Variants in PNPLA8 observed in about 807,000 individuals in gnomAD.
PNPLA8 encodes calcium-independent phospholipase A2-gamma.
PNPLA8 carries 39 observed loss-of-function variants against 76.9 expected under a neutral mutation model. That is an observed-to-expected ratio of 0.51 (90% CI 0.39 to 0.66). The LOEUF (loss-of-function observed/expected upper bound fraction) is 0.66. Ranked by LOEUF, PNPLA8 falls within the 30% of genes least tolerant of loss-of-function variation. PNPLA8 has a pLI of 0.00. For synonymous variants in PNPLA8, 301 were observed against 307.9 expected, an observed-to-expected ratio of 0.98 and a Z score of 0.24; for missense variants, 887 against 918.0, an observed-to-expected ratio of 0.97 and a Z score of 0.44.
intron 7 of PNPLA8, among the ~76,000 whole-genome samples, chr7:108,492,035 T>C (rs1014141874): frequency 6.6e-6 from 1 of 152,228 alleles, no homozygotes; most frequent in African/African-American, 2.4e-5. Flanking sequence ...ACAGAAATTG[T>C]CCTTGGGCAG....
At position 108,497,545 on chromosome 7, in the gene PNPLA8, A is replaced by G. The variant is rs927423801; in HGVS notation, c.1391T>C (p.Leu464Ser). 1.2e-6 allele frequency: 2 copies of G among 1,612,168 alleles called. No homozygotes were observed. The highest frequency in any genetic ancestry group is 1.7e-6 in the Non-Finnish European group (2 of 1,178,916). Residue 464 changes from leucine (L) to serine (S), a missense_variant, in exon 6 of 11, where the codon TTA (leucine) becomes TCA (serine). By Grantham distance (145) the Leu-to-Ser change is moderately radical (BLOSUM62 -2). Transcript: ENST00000257694. ...GVVALQTLRKLVELTQKPVHQ... is the reference protein window; with the variant it reads ...GVVALQTLRKSVELTQKPVHQ... ...AACTGGCTTCTGAGTAAGTTCAACT[A>G]ATTTTCGTAGGGTCTGGAGAGCAAC...
At position 108,526,079 on chromosome 7, in the gene PNPLA8, C is replaced by T. The variant is rs747052300; in HGVS notation, c.-180G>A. 1 of 985,694 alleles carries T rather than the reference C, an allele frequency of 1.0e-6. No homozygotes were observed. The highest frequency in any genetic ancestry group is 6.1e-5 in the Admixed American group (1 of 16,296). 61.1% of individuals were successfully genotyped at this position (985,694 alleles called of 1,614,324 possible). On this transcript the variant is annotated 5_prime_UTR_variant, in exon 1 of 11. Transcript: ENST00000257694. ...GCTGCAGCGGCGACTCGCTCGTTCC[C>T]GGCAATGACGTCCACTCCAACCGGC...
At position 108,470,912 on chromosome 7, in the gene PNPLA8, G is replaced by C. The variant is rs17134769; in HGVS notation, c.*1489C>G. ...AGGCAGGATTAGCATCCAGACTCTC[G>C]ACTCCACTCTTTGAACCACATCTCA... On this transcript the variant is annotated 3_prime_UTR_variant, in exon 11 of 11. Coordinates refer to ENST00000257694, the MANE Select transcript of PNPLA8 (RefSeq NM_001256007.3). 1 of 151,942 alleles carries C rather than the reference G, an allele frequency of 6.6e-6. No individual in the cohort carries two copies. Among genetic ancestry groups the C allele is most frequent in the Non-Finnish European group, 1.5e-5 (1 of 68,004 alleles). The allele number at this position is 151,942 out of a possible 1,614,324, so 9.4% of individuals were successfully genotyped here.
intron 9 of PNPLA8, among the ~76,000 whole-genome samples, chr7:108,479,905 T>C (rs1007926468): frequency 1.3e-5 from 2 of 152,188 alleles, no homozygotes; most frequent in African/African-American, 2.4e-5. Context: ...ATCAATATTA[T>C]TTTGAAGACT....
Position 108,514,642 on chromosome 7 carries a change from T to C in PNPLA8, c.850A>G (p.Lys284Glu), listed in dbSNP as rs747170465. Residue 284 changes from lysine to glutamate, a missense_variant, in exon 3 of 11, where the codon AAA becomes GAA. Coordinates refer to ENST00000257694, the MANE Select transcript of PNPLA8 (RefSeq NM_001256007.3). ...GAAAGAAAGTTAGCAATACTTTGTT[T>C]AGTTGAAACTTGAAGAACATCAGGT... is the stretch of plus-strand genomic sequence containing the variant. ...AIPDVLQVST[K>E]QSIANFLSRP... 1 of 1,613,990 alleles carries C rather than the reference T, an allele frequency of 6.2e-7. No individual in the cohort carries two copies. The highest frequency in any genetic ancestry group is 8.5e-7 in the Non-Finnish European group (1 of 1,179,868).
Position 108,487,902 on chromosome 7 carries a change from C to A in PNPLA8, c.1735G>T (p.Val579Leu), listed in dbSNP as rs761779041. ...GGAAAATGACCATAGTTTCTGAACA[C>A]AAAAGCTTTGGGTGTTATCCCTCTA... Reference protein sequence around the residue: ...VNRGITPKAFVFRNYGHFPGI... With the variant: ...VNRGITPKAFLFRNYGHFPGI... The change falls in exon 9 of 11, where the codon GTG becomes TTG. Residue 579 changes from valine (V) to leucine (L), a missense_variant. Val to Leu is a conservative substitution (Grantham distance 32, BLOSUM62 1). Coordinates refer to ENST00000257694, the MANE Select transcript of PNPLA8 (RefSeq NM_001256007.3). 6.2e-7 allele frequency: 1 copy of A among 1,613,354 alleles called. No homozygotes were observed. The highest frequency in any genetic ancestry group is 8.5e-7 in the Non-Finnish European group (1 of 1,179,570).
intron 2 of PNPLA8, among the ~76,000 whole-genome samples, chr7:108,516,512 G>A (rs1033020724): frequency 1.3e-5 from 2 of 152,144 alleles, no homozygotes; most frequent in Admixed American, 6.5e-5. Flanking sequence ...TAACATAGGA[G>A]AAAACTTAGA....
intron 10 of PNPLA8, among the ~76,000 whole-genome samples, chr7:108,478,403 T>G (rs1225832181): frequency 6.6e-6 from 1 of 152,132 alleles, no homozygotes; most frequent in Non-Finnish European, 1.5e-5. Flanking sequence ...TTTTTGGTTT[T>G]TTTTTGAGAT....
chr7:108,489,949 C>T (rs773589488), intron 8 of PNPLA8, among the ~76,000 whole-genome samples: 8 of 152,128 alleles, frequency 5.3e-5, no homozygotes, highest in Non-Finnish European at 1.2e-4. Flanking sequence ...AATGGGGATT[C>T]AATTTTTATA....
chr7:108,474,518 G>C (rs1563926965), intron 10 of PNPLA8, among the ~76,000 whole-genome samples: 1 of 152,196 alleles, frequency 6.6e-6, no homozygotes, highest in Non-Finnish European at 1.5e-5. Flanking sequence ...AGTGAGTTTA[G>C]CAAGTTTGAA....
intron 7 of PNPLA8, among the ~76,000 whole-genome samples, chr7:108,492,705 TAAATA>T (rs1195297598): frequency 2.0e-5 from 3 of 151,398 alleles, no homozygotes; most frequent in South Asian, 4.2e-4. Flanking sequence ...AATAAATAAA[TAAATA>T]AAAGTCCTCT....
chr7:108,519,754 C>T (rs754638206), intron 2 of PNPLA8, among the ~76,000 whole-genome samples: 1 of 152,054 alleles, frequency 6.6e-6, no homozygotes, highest in African/African-American at 2.4e-5. Flanking sequence ...GACTTTTTCC[C>T]TATCTACAAA....
chr7:108,514,836 T>C lies in PNPLA8; in HGVS notation c.656A>G (p.Glu219Gly), dbSNP rs1467604749. Residue 219 changes from glutamate (E) to glycine (G), a missense_variant, in exon 3 of 11, where the codon GAA becomes GGA. Glu to Gly is a moderately conservative substitution (Grantham distance 98). Transcript: ENST00000257694. ...NHINSYFKRK[E>G]KMSQQKENEH... is the part of the protein sequence containing the mutation. ...ATTTTCCTTTTGTTGAGACATTTTT[T>C]CCTTACGTTTGAAATATGAATTAAT... 1.9e-6 allele frequency: 3 copies of C among 1,612,826 alleles called. No homozygotes were observed. Among genetic ancestry groups the C allele is most frequent in the Non-Finnish European group, 2.5e-6 (3 of 1,179,098 alleles).
chr7:108,493,707 C>T (rs1035902928), intron 7 of PNPLA8, among the ~76,000 whole-genome samples: 6 of 150,832 alleles, frequency 4.0e-5, no homozygotes, highest in African/African-American at 1.5e-4. Flanking sequence ...GGATGGGAAG[C>T]TTTCACGATT....
chr7:108,514,065 G>C, intron 4 of PNPLA8, 79 bp downstream of exon 4: 1 of 942,760 alleles, frequency 1.1e-6, no homozygotes, highest in Non-Finnish European at 1.6e-6. Flanking sequence ...AAAAATGAAA[G>C]GCTTTGCCTT....
intron 10 of PNPLA8, among the ~76,000 whole-genome samples, chr7:108,477,257 T>C (rs1860064281): frequency 6.6e-6 from 1 of 152,166 alleles, no homozygotes; most frequent in African/African-American, 2.4e-5. Flanking sequence ...ACAACTTAAA[T>C]ATATACAATT....
At chr7:108,525,588 CA>C (rs1864018148) in intron 1 of PNPLA8, among the ~76,000 whole-genome samples, 1 of 152,134 alleles carries the variant, frequency 6.6e-6, no homozygotes, top group Non-Finnish European at 1.5e-5. Context: ...AGATTACTGA[CA>C]AAAAATATCA....
chr7:108,502,907 T>G, intron 4 of PNPLA8: 1 of 239,848 alleles, frequency 4.2e-6, no homozygotes, highest in Non-Finnish European at 7.9e-6. Flanking sequence ...AGAGAAAATA[T>G]AATTTATAGA....
At chr7:108,525,935 A>G (rs1212427491) in intron 1 of PNPLA8, 94 bp downstream of exon 1, 1 of 514,842 alleles carries the variant, frequency 1.9e-6, no homozygotes, top group Non-Finnish European at 2.5e-6. Context: ...GTGCCCTCCA[A>G]AGAAAGAAAG....
Sources: allele counts gnomAD v4.1 joint callset (sites outside exome capture counted in the v4.1 genomes callset), GRCh38; gene constraint gnomAD v4.1.1; transcripts MANE v1.5; gene names NCBI Gene and HGNC (gene_info 2026-07-23, HGNC 2026-07-21).